EIF2B3: variants seen among roughly 807,000 people sequenced by gnomAD.
EIF2B3 encodes the protein eukaryotic translation initiation factor 2B subunit gamma.
EIF2B3 carries 20 observed loss-of-function variants against 54.1 expected under a neutral mutation model. The ratio of observed to expected loss-of-function variants is 0.37; its 90% CI spans 0.26 to 0.54. The LOEUF (loss-of-function observed/expected upper bound fraction) is 0.54, where lower values mean the gene tolerates loss of function less well. Among genes scored for constraint, EIF2B3 ranks in the 20% least tolerant of loss-of-function variants. EIF2B3 has a pLI of 0.86. For synonymous variants in EIF2B3, 153 were observed against 188.1 expected (o/e 0.81, Z 1.52); for missense variants, 448 against 547.8 (o/e 0.82, Z 1.82).
intron 5 of EIF2B3, among the ~76,000 whole-genome samples, chr1:44,903,105 C>T (rs1025063293): frequency 1.3e-5 from 2 of 152,020 alleles, no homozygotes; most frequent in Non-Finnish European, 2.9e-5. Flanking sequence ...CTGAGATTTG[C>T]TTTAATTTAA....
chr1:44,872,605 A>G (rs1655000994), intron 10 of EIF2B3, among the ~76,000 whole-genome samples: 1 of 151,978 alleles, frequency 6.6e-6, no homozygotes, highest in Non-Finnish European at 1.5e-5. Context: ...AGCTATGATC[A>G]TGCCACTGTA....
intron 3 of EIF2B3, among the ~76,000 whole-genome samples, chr1:44,942,338 C>T (rs556769609): frequency 5.5e-5 from 6 of 109,828 alleles, no homozygotes; most frequent in Non-Finnish European, 8.7e-5. Context: ...AATAAATCAA[C>T]GAAGAAAAGG....
rs1326055214 is a variant in EIF2B3, at chr1:44,874,796, T to C, written c.1084A>G (p.Thr362Ala). ...VGVDSLIGPETQIGEKSSIKR... is the reference protein window; with the variant it reads ...VGVDSLIGPEAQIGEKSSIKR... ...ATGGATGACTTCTCTCCAATCTGTGTCTCTGGCCCAATGAGGCTGTCAACT... is the reference window on the plus strand; with the variant it reads ...ATGGATGACTTCTCTCCAATCTGTGCCTCTGGCCCAATGAGGCTGTCAACT... Residue 362 changes from threonine (T) to alanine (A), a missense_variant, in exon 10 of 12, where the codon ACA becomes GCA. Physicochemically the swap from Thr to Ala is moderately conservative, Grantham distance 58. Transcript: ENST00000360403. The C allele has an allele frequency of 6.2e-7, 1 of 1,613,978 alleles. No homozygotes were observed. The highest frequency in any genetic ancestry group is 8.5e-7 in the Non-Finnish European group (1 of 1,180,024).
chr1:44,953,280 A>T (rs1436498559), intron 3 of EIF2B3, among the ~76,000 whole-genome samples: 1 of 151,518 alleles, frequency 6.6e-6, no homozygotes, highest in East Asian at 1.9e-4. Flanking sequence ...AAAAAGAACC[A>T]GCCTCACTCT....
chr1:44,898,322 C>A (rs567472583), intron 5 of EIF2B3, among the ~76,000 whole-genome samples: 2 of 152,136 alleles, frequency 1.3e-5, no homozygotes, highest in Non-Finnish European at 2.9e-5. Flanking sequence ...TATTGGATAA[C>A]TTAACATATA....
At chr1:44,921,659 G>A (rs771195550) in intron 5 of EIF2B3, among the ~76,000 whole-genome samples, 52 of 152,144 alleles carry the variant, frequency 3.4e-4, no homozygotes, top group Admixed American at 9.8e-4. Context: ...TTTCCCCAAC[G>A]TATATTCTTG....
chr1:44,939,370 T>A (rs561962578), intron 4 of EIF2B3, among the ~76,000 whole-genome samples: 1 of 152,166 alleles, frequency 6.6e-6, no homozygotes, highest in Non-Finnish European at 1.5e-5. Flanking sequence ...AGGACTTCCA[T>A]TGGCCAAACT....
At chr1:44,968,750 AG>A (rs1430910768) in intron 3 of EIF2B3, among the ~76,000 whole-genome samples, 1 of 152,114 alleles carries the variant, frequency 6.6e-6, no homozygotes, top group Non-Finnish European at 1.5e-5. Flanking sequence ...TACAAAAATT[AG>A]CCAGGCATGG....
At chr1:44,882,749 G>A (rs1296390043) in intron 6 of EIF2B3, among the ~76,000 whole-genome samples, 2 of 151,842 alleles carry the variant, frequency 1.3e-5, no homozygotes, top group Non-Finnish European at 2.9e-5. Context: ...CAAGTAGCTG[G>A]GACTACAGGC....
rs550245672 is a variant in EIF2B3, at chr1:44,981,753, T to G, written c.-9-576A>C. Among the ~76,000 whole-genome samples the G allele has an allele frequency of 2.6e-5, 4 of 152,064 alleles. No individual in the cohort carries two copies. In the East Asian group the frequency reaches 7.7e-4, roughly 29 times the overall value. ...GAGTTCGAGACCAGCCTGGGCAACA[T>G]GGCGAGACCCCATCTCTACCAAAAA... On this transcript the variant is annotated intron_variant, in intron 1 of 11. Transcript: ENST00000360403.
chr1:44,889,529 T>C (rs1297967601), intron 6 of EIF2B3, among the ~76,000 whole-genome samples: 1 of 150,300 alleles, frequency 6.7e-6, no homozygotes, highest in Non-Finnish European at 1.5e-5. Flanking sequence ...AGAGCGAGGA[T>C]CCATCTTAAA....
At chr1:44,905,483 C>A (rs1353431956) in intron 5 of EIF2B3, among the ~76,000 whole-genome samples, 2 of 152,098 alleles carry the variant, frequency 1.3e-5, no homozygotes, top group Admixed American at 1.3e-4. Context: ...ACTCTACGAG[C>A]TTCCGTAATT....
intron 5 of EIF2B3, among the ~76,000 whole-genome samples, chr1:44,910,780 C>T (rs1201188229): frequency 6.6e-6 from 1 of 151,838 alleles, no homozygotes; most frequent in Non-Finnish European, 1.5e-5. Context: ...CACACCCAGC[C>T]TCTCTCTCAG....
In EIF2B3 at chr1:44,881,353, G is replaced by T. The variant is rs545418479; in HGVS notation, c.784+259C>A. 1.3e-5 allele frequency among the ~76,000 whole-genome samples: 2 copies of T among 152,362 alleles called. No homozygotes were observed. Among genetic ancestry groups the T allele is most frequent in the East Asian group, 3.9e-4 (2 of 5,190 alleles). ...TTTAAAGGCAAAATGGTCTAGTGAG[G>T]AACACAGCCAAACCAGAGCTATGAA... On this transcript the variant is annotated intron_variant, in intron 7 of 11. Coordinates refer to ENST00000360403, the MANE Select transcript of EIF2B3 (RefSeq NM_020365.5). The surrounding 1 kb of genome is among the most constrained non-coding windows in gnomAD (Gnocchi z 4.0).
At chr1:44,962,986 C>T (rs796312974) in intron 3 of EIF2B3, among the ~76,000 whole-genome samples, 4 of 152,008 alleles carry the variant, frequency 2.6e-5, no homozygotes, top group South Asian at 4.1e-4. Context: ...GTAATCCCAA[C>T]ATTTTGGGAG....
chr1:44,941,519 C>T lies in EIF2B3; in HGVS notation c.441G>A (p.Gly147=), dbSNP rs1644021182. 12 of 1,585,588 alleles carry T rather than the reference C, an allele frequency of 7.6e-6. No homozygotes were observed. In the Admixed American group the frequency reaches 9.5e-5, roughly 13 times the overall value. ...AATCTTCCTTACCTGCTTTTTTTTT[C>T]CCCTTTTGACCGGGAACAGGTTCTA... The part of the protein sequence containing the change: ...DSIEPVPGQK[G]KKKAVEQRDF... Residue 147 remains glycine, a synonymous_variant, in exon 4 of 12, where the codon GGG becomes GGA. Coordinates refer to ENST00000360403, the MANE Select transcript of EIF2B3 (RefSeq NM_020365.5).
chr1:44,966,438 CAA>C (rs60200568), intron 3 of EIF2B3, among the ~76,000 whole-genome samples: 13,148 of 85,752 alleles, frequency 0.15, 750 homozygotes, highest in East Asian at 0.33. Context: ...GACTCTGTCT[CAA>C]AAAAAAAAAA....
In EIF2B3 at chr1:44,934,708, T is replaced by C. The variant is rs372328371; in HGVS notation, c.454+6798A>G. On this transcript the variant is annotated intron_variant, in intron 4 of 11. Transcript: ENST00000360403. ...TTAGTAGAGACAGGGTTTCACCATG[T>C]TGGCCAGACTGGTCTTGAATTCCTG... is the stretch of plus-strand genomic sequence containing the variant. Among the ~76,000 whole-genome samples the C allele has an allele frequency of 2.3e-4, 35 of 152,236 alleles. 2 individuals are homozygous for C. The South Asian group carries it at 7.3e-3, about 32-fold the overall frequency.
intron 3 of EIF2B3, among the ~76,000 whole-genome samples, chr1:44,964,877 G>T (rs532173088): frequency 6.6e-6 from 1 of 152,312 alleles, no homozygotes; most frequent in African/African-American, 2.4e-5. Context: ...TATGGATTTA[G>T]TCTGCTTGAA....
Sources: gnomAD v4.1 joint callset for allele counts (sites outside exome capture counted in the v4.1 genomes callset) on GRCh38, gnomAD v4.1.1 for gene constraint, Gnocchi (gnomAD v3.1) non-coding constraint, MANE v1.5 for transcripts, NCBI Gene and HGNC (gene_info 2026-07-23, HGNC 2026-07-21) for gene names.